Variants in ERBB2 observed in about 807,000 individuals in gnomAD.
The protein encoded by ERBB2 is erb-b2 receptor tyrosine kinase 2, also known as receptor tyrosine-protein kinase erbB-2.
A neutral mutation model predicts 149.0 loss-of-function variants in ERBB2; 61 were observed. That is an observed-to-expected ratio of 0.41 (90% CI 0.33 to 0.51). ERBB2 has a LOEUF of 0.51. ERBB2 is among the 20% of genes least tolerant of loss of function. The probability of loss-of-function intolerance (pLI) is 0.25; values close to 1 mark genes in which losing one functional copy is unlikely to be tolerated. For missense variants in ERBB2, 1,205 were observed against 1,655.1 expected (o/e 0.73, Z 4.72); for synonymous variants, 633 against 678.8 (o/e 0.93, Z 1.05).
upstream of ERBB2, among the ~76,000 whole-genome samples, chr17:39,693,043 CAGAGCAAG>C (rs2057748707): frequency 6.6e-6 from 1 of 152,134 alleles, no homozygotes; most frequent in Non-Finnish European, 1.5e-5. Context: ...GCCTGGGCAA[CAGAGCAAG>C]TCTCTGTCTC....
At chr17:39,708,630 T>A in intron 3 of ERBB2, 96 bp downstream of exon 3, 1 of 962,558 alleles carries the variant, frequency 1.0e-6, no homozygotes, top group Non-Finnish European at 1.6e-6. Flanking sequence ...TTAGAAATGG[T>A]GTCCCTTCTG....
In ERBB2 at chr17:39,727,445, CAT is replaced by C. The variant is rs1351665671; in HGVS notation, c.3311_3312del (p.His1104ArgfsTer10). ...AAKGLQSLPT[H>X]DPSPLQRYSE... ...CAAGGGGCTGCAAAGCCTCCCCACA[CAT>C]GACCCCAGCCCTCTACAGCGGTACA... On this transcript the variant is annotated frameshift_variant, in exon 26 of 27. Transcript: ENST00000269571. LOFTEE classifies it high-confidence loss of function. This position sits in a 1 kb window ranked among gnomAD's most constrained non-coding sequence, Gnocchi z 4.3. The C allele has an allele frequency of 8.7e-6, 14 of 1,611,428 alleles. No individual in the cohort carries two copies. The highest frequency in any genetic ancestry group is 1.7e-5 in the Admixed American group (1 of 58,920).
At chr17:39,689,886 A>G (rs2057654572) in intron 2 of ERBB2, among the ~76,000 whole-genome samples, 1 of 151,412 alleles carries the variant, frequency 6.6e-6, no homozygotes, top group Non-Finnish European at 1.5e-5. Context: ...AGCCTGGGCA[A>G]CAAGAGCGAA....
At chr17:39,688,115 T>G, upstream of ERBB2, 1 of 1,106,232 alleles carries the variant, frequency 9.0e-7, no homozygotes, top group East Asian at 3.2e-5. Flanking sequence ...TACTCTCCGC[T>G]GAAGTCCACA....
In ERBB2 at chr17:39,723,723, G is replaced by A. The variant is rs2145819908; in HGVS notation, c.2208+63G>A. ...TGGGGGCGGTGCCTGGAGGGGTGTG[G>A]TCGGCAGTTCTGATGGGAGGGGCAA... On this transcript the variant is annotated intron_variant, in intron 18 of 26. Transcript: ENST00000269571. The surrounding 1 kb of genome is among the most constrained non-coding windows in gnomAD (Gnocchi z 6.2). 2 of 1,564,936 alleles carry A rather than the reference G, an allele frequency of 1.3e-6. No individual in the cohort carries two copies. Among genetic ancestry groups the A allele is most frequent in the Admixed American group, 1.9e-5 (1 of 52,594 alleles).
intron 19 of ERBB2, among the ~76,000 whole-genome samples, chr17:39,724,272 ATTT>A (rs71149796): frequency 2.6e-5 from 2 of 77,012 alleles, no homozygotes. Flanking sequence ...GCGCCCGCTA[ATTT>A]TTTTTTTTTT....
At chr17:39,701,564 C>T in intron 1 of ERBB2, among the ~76,000 whole-genome samples, 1 of 152,100 alleles carries the variant, frequency 6.6e-6, no homozygotes, top group East Asian at 1.9e-4. Flanking sequence ...TGGGTGTCAT[C>T]GTGGCTGTGT....
At chr17:39,717,174 G>A in intron 14 of ERBB2, 146 bp from the exon 15 acceptor site, 1 of 607,190 alleles carries the variant, frequency 1.6e-6, no homozygotes, top group Non-Finnish European at 2.7e-6. Flanking sequence ...ACTGGGTGAA[G>A]AGCAAGGGTG....
chr17:39,694,375 TTGGC>T (rs1224044945), upstream of ERBB2, among the ~76,000 whole-genome samples: 1 of 144,224 alleles, frequency 6.9e-6, no homozygotes, highest in Non-Finnish European at 1.5e-5. Flanking sequence ...AACATTTACT[TTGGC>T]TGCTGTTGCT....
chr17:39,719,917 AC>A (rs2059357003), intron 16 of ERBB2, 83 bp downstream of exon 16: 9 of 1,314,830 alleles, frequency 6.8e-6, no homozygotes, highest in Non-Finnish European at 9.9e-6. Context: ...TAGGGAGGGG[AC>A]CCCCTGACAT....
At chr17:39,696,632 A>G (rs1165697283), upstream of ERBB2, 2 of 152,180 alleles carry the variant, frequency 1.3e-5, no homozygotes, top group Non-Finnish European at 2.9e-5. Context: ...AAGTTCCTTT[A>G]GCTCGTGGAA....
At chr17:39,710,298 G>A (rs2145513743) in intron 6 of ERBB2, 42 bp from the exon 7 acceptor site, 1 of 1,613,644 alleles carries the variant, frequency 6.2e-7, no homozygotes, top group Non-Finnish European at 8.5e-7. Context: ...TGGCACACCA[G>A]GGCAAAACAG....
At chr17:39,691,556 A>AAAAAAAAAAATATATATATAT (rs573116217), upstream of ERBB2, among the ~76,000 whole-genome samples, 1 of 84,202 alleles carries the variant, frequency 1.2e-5, no homozygotes, top group African/African-American at 5.0e-5. Flanking sequence ...TAAAAAAAAA[A>AAAAAAAAAAATATATATATAT]ATATATATAT....
intron 15 of ERBB2, among the ~76,000 whole-genome samples, chr17:39,719,399 T>C (rs887629031): frequency 1.3e-5 from 2 of 152,218 alleles, no homozygotes; most frequent in African/African-American, 4.8e-5. Context: ...ATGTACAGTC[T>C]ATATTCAGAG....
rs2143158858 is a variant in ERBB2 at position 39,726,767 on chromosome 17, A to G, written c.2971-48A>G. 6.3e-7 allele frequency: 1 copy of G among 1,598,374 alleles called. No homozygotes were observed. ...TGCCAGGCCCCTCACGGAAGGCTGC[A>G]TGCTGGGCTGGGGAGGGGCCACCAT... On this transcript the variant is annotated intron_variant, in intron 24 of 26. Transcript: ENST00000269571. This position sits in a 1 kb window ranked among gnomAD's most constrained non-coding sequence, Gnocchi z 5.1.
At chr17:39,691,546 T>TAAAAAAAAAAAAAAAAAAA (rs557885708), upstream of ERBB2, among the ~76,000 whole-genome samples, 2 of 108,478 alleles carry the variant, frequency 1.8e-5, no homozygotes, top group African/African-American at 1.0e-4. Context: ...CCATCTACAT[T>TAAAAAAAAAAAAAAAAAAA]AAAAAAAAAA....
upstream of ERBB2, among the ~76,000 whole-genome samples, chr17:39,693,559 G>A (rs1299138851): frequency 3.3e-5 from 5 of 151,732 alleles, no homozygotes; most frequent in African/African-American, 9.7e-5. Flanking sequence ...ATGGCTCACT[G>A]CAGCCAAAAA....
chr17:39,710,603 C>G, intron 7 of ERBB2, 122 bp downstream of exon 7: 1 of 1,180,514 alleles, frequency 8.5e-7, no homozygotes, highest in Non-Finnish European at 1.2e-6. Flanking sequence ...CAGTTCCTGC[C>G]GAGCTGCCTT....
chr17:39,698,088 C>T (rs1379405297), upstream of ERBB2, among the ~76,000 whole-genome samples: 1 of 152,100 alleles, frequency 6.6e-6, no homozygotes, highest in African/African-American at 2.4e-5. Context: ...AATCTGGGAC[C>T]ATTTATTGAG....
Sources: gnomAD v4.1 joint callset for allele counts (sites outside exome capture counted in the v4.1 genomes callset) on GRCh38, gnomAD v4.1.1 for gene constraint, Gnocchi (gnomAD v3.1) non-coding constraint, MANE v1.5 for transcripts, NCBI Gene and HGNC (gene_info 2026-07-23, HGNC 2026-07-21) for gene names.